Variants in DCDC1 observed in about 807,000 individuals in gnomAD.
DCDC1 encodes doublecortin domain-containing protein 1.
DCDC1 carries 200 observed loss-of-function variants against 178.3 expected under a neutral mutation model. That is an observed-to-expected ratio of 1.12 (90% CI 1.00 to 1.26). DCDC1 has a LOEUF of 1.26. Among genes scored for constraint, DCDC1 ranks in the 50% most tolerant of loss-of-function variants. The probability of loss-of-function intolerance (pLI) is 0.00; values close to 1 mark genes in which losing one functional copy is unlikely to be tolerated. For missense variants in DCDC1, 1,983 were observed against 1,749.2 expected, an observed-to-expected ratio of 1.13 and a Z score of -2.38; for synonymous variants, 690 against 604.8, an observed-to-expected ratio of 1.14 and a Z score of -2.07.
intron 21 of DCDC1, among the ~76,000 whole-genome samples, chr11:30,939,741 G>C (rs111900463): frequency 0.02 from 3,114 of 152,236 alleles, 95 homozygotes; most frequent in African/African-American, 0.07. Context: ...GAGCTGAGCA[G>C]TTTGTTACAT....
At chr11:31,353,312 C>A (rs1445021527) in intron 1 of DCDC1, among the ~76,000 whole-genome samples, 1 of 152,168 alleles carries the variant, frequency 6.6e-6, no homozygotes, top group East Asian at 1.9e-4. Context: ...AGCAGCATAG[C>A]CTGAAGCAGC....
At chr11:31,203,174 T>C (rs1971492239) in intron 9 of DCDC1, among the ~76,000 whole-genome samples, 1 of 151,952 alleles carries the variant, frequency 6.6e-6, no homozygotes, top group Non-Finnish European at 1.5e-5. Flanking sequence ...TTTTGAACAA[T>C]GAAAGATGAA....
intron 9 of DCDC1, among the ~76,000 whole-genome samples, chr11:31,236,291 A>G (rs1976456493): frequency 6.6e-6 from 1 of 152,046 alleles, no homozygotes; most frequent in South Asian, 2.1e-4. Context: ...GTCACAGTCG[A>G]TCTCCACATA....
chr11:31,121,315 C>G (rs1362249692), intron 11 of DCDC1, among the ~76,000 whole-genome samples: 1 of 151,374 alleles, frequency 6.6e-6, no homozygotes, highest in East Asian at 1.9e-4. Context: ...GGTGATACAA[C>G]TCTTTCCTAA....
At chr11:31,281,759 G>A (rs968654012) in intron 7 of DCDC1, among the ~76,000 whole-genome samples, 12 of 152,040 alleles carry the variant, frequency 7.9e-5, no homozygotes, top group African/African-American at 2.4e-4. Context: ...AAACTGTTTC[G>A]CTTGGCTTTC....
intron 20 of DCDC1, among the ~76,000 whole-genome samples, chr11:30,973,333 T>C (rs1949919536): frequency 6.6e-6 from 1 of 151,028 alleles, no homozygotes; most frequent in Non-Finnish European, 1.5e-5. Flanking sequence ...GCTCTGGCCA[T>C]GTGAAGTACT....
At chr11:31,004,394 G>A (rs1206083091) in intron 20 of DCDC1, among the ~76,000 whole-genome samples, 1 of 151,844 alleles carries the variant, frequency 6.6e-6, no homozygotes, top group Non-Finnish European at 1.5e-5. Flanking sequence ...GCATTTAATG[G>A]CTGGCCAGGA....
At chr11:31,182,753 T>C (rs541446205) in intron 9 of DCDC1, among the ~76,000 whole-genome samples, 4 of 152,224 alleles carry the variant, frequency 2.6e-5, no homozygotes, top group Admixed American at 1.3e-4. Context: ...CATAAGAATA[T>C]TAACCTTAAA....
chr11:31,325,080 A>G (rs535030869), intron 3 of DCDC1, among the ~76,000 whole-genome samples: 1 of 152,286 alleles, frequency 6.6e-6, no homozygotes, highest in South Asian at 2.1e-4. Context: ...TTAGATGATA[A>G]TTGGTTGAAA....
intron 8 of DCDC1, among the ~76,000 whole-genome samples, chr11:31,250,106 T>C (rs1397634244): frequency 6.6e-6 from 1 of 151,908 alleles, no homozygotes; most frequent in Non-Finnish European, 1.5e-5. Flanking sequence ...ATCTATTGTC[T>C]TTAAGAAAGG....
chr11:31,095,476 C>T (rs138763064), intron 15 of DCDC1, among the ~76,000 whole-genome samples: 178 of 152,258 alleles, frequency 1.2e-3, no homozygotes, highest in African/African-American at 3.9e-3. Flanking sequence ...AATAATCAAA[C>T]ATATCTTGCT....
At chr11:30,900,227 A>T in intron 33 of DCDC1, 119 bp downstream of exon 33, 1 of 929,250 alleles carries the variant, frequency 1.1e-6, no homozygotes, top group South Asian at 3.4e-5. Flanking sequence ...CTTTGTATAA[A>T]TGTGATGTTA....
chr11:30,875,662 CTAAG>C (rs1942052374), intron 38 of DCDC1, among the ~76,000 whole-genome samples: 1 of 152,102 alleles, frequency 6.6e-6, no homozygotes, highest in Non-Finnish European at 1.5e-5. Context: ...GCCACAATTT[CTAAG>C]TGAGTCTCTG....
intron 8 of DCDC1, among the ~76,000 whole-genome samples, chr11:31,242,633 T>C (rs1591519737): frequency 1.3e-5 from 2 of 151,882 alleles, no homozygotes; most frequent in East Asian, 3.9e-4. Flanking sequence ...GCAAAGAAAA[T>C]AGGTCCGGCA....
At chr11:31,352,654 A>G (rs1272331671) in intron 1 of DCDC1, among the ~76,000 whole-genome samples, 1 of 152,196 alleles carries the variant, frequency 6.6e-6, no homozygotes, top group Non-Finnish European at 1.5e-5. Context: ...TCACTTAATA[A>G]TAACATGACG....
intron 20 of DCDC1, among the ~76,000 whole-genome samples, chr11:31,053,143 C>A (rs2135420535): frequency 6.6e-6 from 1 of 151,996 alleles, no homozygotes; most frequent in Non-Finnish European, 1.5e-5. Context: ...AGAAACAAAA[C>A]AAGAGACATT....
At chr11:31,011,171 A>G (rs1192131805) in intron 20 of DCDC1, among the ~76,000 whole-genome samples, 1 of 152,138 alleles carries the variant, frequency 6.6e-6, no homozygotes, top group Non-Finnish European at 1.5e-5. Context: ...AGCAATTAAA[A>G]AAAATCTCTA....
chr11:31,045,407 T>A (rs1262931729), intron 20 of DCDC1, among the ~76,000 whole-genome samples: 3 of 151,514 alleles, frequency 2.0e-5, no homozygotes, highest in Admixed American at 1.3e-4. Context: ...TTTTTTTTTT[T>A]AACTCGCCTT....
intron 17 of DCDC1, among the ~76,000 whole-genome samples, chr11:31,090,765 C>A (rs1048294886): frequency 6.6e-6 from 1 of 152,094 alleles, no homozygotes; most frequent in African/African-American, 2.4e-5. Context: ...TTGGTAATGG[C>A]TTTTTAAGTC....
Sources: allele counts gnomAD v4.1 joint callset (sites outside exome capture counted in the v4.1 genomes callset), GRCh38; gene constraint gnomAD v4.1.1; transcripts MANE v1.5; gene names NCBI Gene and HGNC (gene_info 2026-07-23, HGNC 2026-07-21).